Variants in IL34 observed in about 807,000 individuals in gnomAD.
IL34 encodes the protein interleukin-34.
A neutral mutation model predicts 25.3 loss-of-function variants in IL34; 17 were observed. The ratio of observed to expected loss-of-function variants is 0.67; its 90% CI spans 0.46 to 1.01. IL34 has a LOEUF of 1.01. IL34 is among the 50% of genes least tolerant of loss of function. The probability of loss-of-function intolerance (pLI) is 0.00; values close to 1 mark genes in which losing one functional copy is unlikely to be tolerated. For missense variants in IL34, 368 were observed against 312.9 expected (o/e 1.18, Z -1.33); for synonymous variants, 174 against 140.9 (o/e 1.23, Z -1.66).
intron 2 of IL34, 34 bp from the exon 3 acceptor site, chr16:70,656,568 T>C: frequency 1.1e-6 from 1 of 933,750 alleles, no homozygotes; most frequent in Non-Finnish European, 1.8e-6. Flanking sequence ...CATTTCTACT[T>C]CTGGCCTCAT....
chr16:70,610,121 G>A (rs968787273), intron 1 of IL34, among the ~76,000 whole-genome samples: 1 of 151,786 alleles, frequency 6.6e-6, no homozygotes, highest in Admixed American at 6.6e-5. Context: ...AGAATCACTT[G>A]AACCTGGGAG....
intron 2 of IL34, 99 bp downstream of exon 2, chr16:70,654,770 A>G: frequency 7.0e-7 from 1 of 1,422,812 alleles, no homozygotes; most frequent in Non-Finnish European, 9.4e-7. Context: ...GACCTGTGTC[A>G]GCCCTGAGCC....
At chr16:70,625,084 T>G (rs2051362462) in intron 1 of IL34, among the ~76,000 whole-genome samples, 1 of 152,110 alleles carries the variant, frequency 6.6e-6, no homozygotes, top group African/African-American at 2.4e-5. Flanking sequence ...TGCCATTTTT[T>G]GGCTATTTGG....
chr16:70,635,504 C>G (rs750873602), intron 1 of IL34, among the ~76,000 whole-genome samples: 4 of 152,160 alleles, frequency 2.6e-5, no homozygotes, highest in Non-Finnish European at 4.4e-5. Flanking sequence ...AGTCCCCTTG[C>G]TAGTCACAGG....
intron 1 of IL34, among the ~76,000 whole-genome samples, chr16:70,627,757 G>C (rs1381575701): frequency 2.6e-5 from 4 of 152,160 alleles, no homozygotes; most frequent in African/African-American, 9.7e-5. Flanking sequence ...GTGTGAGCCA[G>C]TGTGCCTGGC....
intron 1 of IL34, among the ~76,000 whole-genome samples, chr16:70,618,974 T>C (rs2051219584): frequency 6.6e-6 from 1 of 151,980 alleles, no homozygotes; most frequent in African/African-American, 2.4e-5. Context: ...AACAGAATAA[T>C]GGGTTATAGA....
intron 1 of IL34, among the ~76,000 whole-genome samples, chr16:70,636,941 G>T (rs1395297502): frequency 6.6e-6 from 1 of 151,358 alleles, no homozygotes; most frequent in Non-Finnish European, 1.5e-5. Context: ...GTACAGTGGC[G>T]TAATCTCGGC....
intron 4 of IL34, among the ~76,000 whole-genome samples, chr16:70,659,320 C>A (rs1292689809): frequency 6.6e-6 from 1 of 152,202 alleles, no homozygotes; most frequent in East Asian, 1.9e-4. Context: ...GGTGGGTGGC[C>A]GTGCCTGGGT....
At chr16:70,618,902 G>C (rs2051217978) in intron 1 of IL34, among the ~76,000 whole-genome samples, 3 of 152,214 alleles carry the variant, frequency 2.0e-5, no homozygotes, top group South Asian at 2.1e-4. Flanking sequence ...CCAAGTGAAA[G>C]TGAAGAGAGG....
At chr16:70,654,340 C>A in intron 1 of IL34, 198 bp from the exon 2 acceptor site, 1 of 612,754 alleles carries the variant, frequency 1.6e-6, no homozygotes, top group Non-Finnish European at 2.7e-6. Context: ...CTCTGCACTG[C>A]TAGTGCCTGC....
intron 1 of IL34, among the ~76,000 whole-genome samples, chr16:70,603,929 T>A (rs2050958771): frequency 6.6e-6 from 1 of 152,128 alleles, no homozygotes; most frequent in African/African-American, 2.4e-5. Flanking sequence ...CATACCACAA[T>A]TTTTTCCCTG....
intron 1 of IL34, among the ~76,000 whole-genome samples, chr16:70,619,096 T>C (rs2051222730): frequency 6.6e-6 from 1 of 152,108 alleles, no homozygotes; most frequent in Non-Finnish European, 1.5e-5. Context: ...GCTTGTCTGG[T>C]TTTAGGACAG....
At chr16:70,650,586 A>C (rs140982198) in intron 1 of IL34, among the ~76,000 whole-genome samples, 76 of 152,354 alleles carry the variant, frequency 5.0e-4, no homozygotes, top group Non-Finnish European at 8.8e-4. Context: ...CAGTGTGGAC[A>C]GAGGTACTGA....
chr16:70,632,604 A>G (rs2051545064), intron 1 of IL34, among the ~76,000 whole-genome samples: 4 of 152,132 alleles, frequency 2.6e-5, no homozygotes. Context: ...TGGCTTTCCA[A>G]TGGAGCATCT....
At chr16:70,607,653 T>G in intron 1 of IL34, among the ~76,000 whole-genome samples, 1 of 152,218 alleles carries the variant, frequency 6.6e-6, no homozygotes, top group East Asian at 1.9e-4. Context: ...TTAAGGAAGT[T>G]CCCTTCTCTG....
At chr16:70,646,540 C>T (rs141981671), upstream of IL34, 1,000 of 214,534 alleles carry the variant, frequency 4.7e-3, 15 homozygotes, top group African/African-American at 0.021. Flanking sequence ...CCTCCTTTCT[C>T]TTCCTAGAGC....
intron 2 of IL34, among the ~76,000 whole-genome samples, chr16:70,655,653 A>G (rs1002209140): frequency 6.6e-6 from 1 of 152,122 alleles, no homozygotes; most frequent in Non-Finnish European, 1.5e-5. Context: ...TGGCCTCCCA[A>G]AGTGCTGGGA....
At chr16:70,623,665 T>C (rs370449110) in intron 1 of IL34, among the ~76,000 whole-genome samples, 76 of 151,740 alleles carry the variant, frequency 5.0e-4, no homozygotes, top group Non-Finnish European at 7.4e-4. Context: ...AAGAGGAGGA[T>C]GCAAAGGAGG....
intron 1 of IL34, among the ~76,000 whole-genome samples, chr16:70,591,918 C>T (rs566278436): frequency 3.2e-4 from 48 of 150,766 alleles, no homozygotes; most frequent in Admixed American, 5.3e-4. Flanking sequence ...GTGCTCCTTG[C>T]TGCTTGGAGG....
Sources: gnomAD v4.1 joint callset for allele counts (sites outside exome capture counted in the v4.1 genomes callset) on GRCh38, gnomAD v4.1.1 for gene constraint, MANE v1.5 for transcripts, NCBI Gene and HGNC (gene_info 2026-07-23, HGNC 2026-07-21) for gene names.